CASZ1: variants seen among roughly 807,000 people sequenced by gnomAD.
CASZ1 encodes the protein castor zinc finger 1.
Under a neutral mutation model 135.2 loss-of-function variants are expected in CASZ1, and 28 were observed. The ratio of observed to expected loss-of-function variants is 0.21; its 90% CI spans 0.15 to 0.28. CASZ1 has a LOEUF of 0.28. CASZ1 is among the 10% of genes least tolerant of loss of function. The pLI is 1.00. For missense variants in CASZ1, 2,161 were observed against 2,453.3 expected, an observed-to-expected ratio of 0.88 and a Z score of 2.52; for synonymous variants, 1,068 against 1,073.4, an observed-to-expected ratio of 0.99 and a Z score of 0.10.
rs138711094 is a variant in CASZ1 at position 10,713,756 on chromosome 1, G to A, written c.-76-8212C>T. Among the ~76,000 whole-genome samples, 21 of 152,362 alleles carry A rather than the reference G, an allele frequency of 1.4e-4. No homozygotes were observed. The East Asian group carries it at 1.9e-3, about 14-fold the overall frequency. ...GTGGCTGATGGAAAGGACACACGTC[G>A]TGTGGGGACAGCCACCTCTCACATG... On this transcript the variant is annotated intron_variant, in intron 2 of 20. Coordinates refer to ENST00000377022, the MANE Select transcript of CASZ1 (RefSeq NM_001079843.3).
chr1:10,643,122 C>A lies in CASZ1; in HGVS notation c.4020+38G>T, dbSNP rs1642260070. 3 of 1,604,694 alleles carry A rather than the reference C, an allele frequency of 1.9e-6. No individual in the cohort carries two copies. In the South Asian group the frequency reaches 3.3e-5, roughly 18 times the overall value. ...AGCGTGGGACCATGATGCGTTCCCGCCACCCTGGCTGGGCTCTCACCTGGG... is the reference window on the plus strand; with the variant it reads ...AGCGTGGGACCATGATGCGTTCCCGACACCCTGGCTGGGCTCTCACCTGGG... On this transcript the variant is annotated intron_variant, in intron 19 of 20. Transcript: ENST00000377022.
rs1457947900 is a variant in CASZ1 at position 10,776,710 on chromosome 1, C to T, written c.-233-15853G>A. ...GTGGGAGAGGGTTGGCTGCATGGCA[C>T]AGCTGCGGACTCCAGACGGTGGCAA... On this transcript the variant is annotated intron_variant, in intron 1 of 20. Coordinates refer to ENST00000377022, the MANE Select transcript of CASZ1 (RefSeq NM_001079843.3). This position sits in a 1 kb window ranked among gnomAD's most constrained non-coding sequence, Gnocchi z 4.1. Among the ~76,000 whole-genome samples the T allele has an allele frequency of 6.6e-6, 1 of 152,178 alleles. No homozygotes were observed. The highest frequency in any genetic ancestry group is 1.5e-5 in the Non-Finnish European group (1 of 68,022).
chr1:10,694,688 C>T lies in CASZ1; in HGVS notation c.-23-776G>A, dbSNP rs1391192641. On this transcript the variant is annotated intron_variant, in intron 3 of 20. Coordinates refer to ENST00000377022, the MANE Select transcript of CASZ1 (RefSeq NM_001079843.3). The surrounding 1 kb of genome is among the most constrained non-coding windows in gnomAD (Gnocchi z 6.6). ...AATGGGCTCGCGCTCGCTCGCGCCC[C>T]CGCCGCGCGCCCCCGCCGCGCGCGC... is the stretch of plus-strand genomic sequence containing the variant. 1.6e-5 allele frequency among the ~76,000 whole-genome samples: 2 copies of T among 121,656 alleles called. No individual in the cohort carries two copies. The highest frequency in any genetic ancestry group is 3.3e-5 in the Non-Finnish European group (2 of 60,370). The allele number at this position is 121,656 out of a possible 152,430, so 79.8% of individuals were successfully genotyped here.
chr1:10,680,246 G>C (rs7545228), intron 4 of CASZ1, among the ~76,000 whole-genome samples: 71,061 of 149,046 alleles, frequency 0.48, 17,580 homozygotes, highest in Non-Finnish European at 0.51. Context: ...TGCTGCCGGA[G>C]GGCTCCGGCT....
chr1:10,711,699 G>A lies in CASZ1; in HGVS notation c.-76-6155C>T, dbSNP rs763082473. Among the ~76,000 whole-genome samples the A allele has an allele frequency of 6.6e-6, 1 of 152,052 alleles. No individual in the cohort carries two copies. The highest frequency in any genetic ancestry group is 1.5e-5 in the Non-Finnish European group (1 of 68,018). ...TTCAAGTGTCCATGGACTGAGAAAT[G>A]GACATACAACATGGAGTCTGTCCAT... On this transcript the variant is annotated intron_variant, in intron 2 of 20. Transcript: ENST00000377022. The surrounding 1 kb of genome is among the most constrained non-coding windows in gnomAD (Gnocchi z 4.4).
chr1:10,745,437 A>G (rs187882477), intron 2 of CASZ1, among the ~76,000 whole-genome samples: 39 of 152,236 alleles, frequency 2.6e-4, no homozygotes, highest in African/African-American at 8.7e-4. Context: ...CCCTTCGCCA[A>G]GTGGATTGAA....
intron 4 of CASZ1, among the ~76,000 whole-genome samples, chr1:10,687,702 G>C (rs1638638958): frequency 6.6e-6 from 1 of 152,192 alleles, no homozygotes; most frequent in African/African-American, 2.4e-5. Flanking sequence ...GGAGGAAGTG[G>C]AGAAGGGCCC....
Position 10,657,745 on chromosome 1 carries a change from A to G in CASZ1, c.1409+763T>C, listed in dbSNP as rs1409614398. Among the ~76,000 whole-genome samples, 1 of 136,200 alleles carries G rather than the reference A, an allele frequency of 7.3e-6. No homozygotes were observed. Among genetic ancestry groups the G allele is most frequent in the African/African-American group, 2.7e-5 (1 of 37,038 alleles). 89.4% of individuals were successfully genotyped at this position (136,200 alleles called of 152,430 possible). A position where few individuals can be genotyped will look rare whatever the true frequency, so the allele number is the denominator to read the frequency against. Reference sequence around the variant, plus strand: ...CGGGAGGAACCTGGAAGATCTGCGGACAGACAGGCGCCAGCCGCTGGGTGC... The same window carrying G: ...CGGGAGGAACCTGGAAGATCTGCGGGCAGACAGGCGCCAGCCGCTGGGTGC... On this transcript the variant is annotated intron_variant, in intron 7 of 20. Transcript: ENST00000377022. The surrounding 1 kb of genome is among the most constrained non-coding windows in gnomAD (Gnocchi z 5.7).
intron 1 of CASZ1, among the ~76,000 whole-genome samples, chr1:10,785,759 C>T (rs1329001207): frequency 6.6e-6 from 1 of 152,244 alleles, no homozygotes; most frequent in African/African-American, 2.4e-5. Flanking sequence ...CAGGCCAAGA[C>T]CCAAATGAGG....
At chr1:10,685,882 G>A (rs1027255879) in intron 4 of CASZ1, among the ~76,000 whole-genome samples, 10 of 152,238 alleles carry the variant, frequency 6.6e-5, no homozygotes, top group Admixed American at 6.5e-4. Context: ...AGAGAGGCAC[G>A]TGCCCCTGGA....
At chr1:10,791,081 C>CAAAAAAAAA (rs61062042) in intron 1 of CASZ1, among the ~76,000 whole-genome samples, 1 of 121,194 alleles carries the variant, frequency 8.3e-6, no homozygotes, top group Non-Finnish European at 1.9e-5. Context: ...CTCTTCCCAT[C>CAAAAAAAAA]AAAAAAAAAA....
chr1:10,712,828 T>C (rs1639312046), intron 2 of CASZ1, among the ~76,000 whole-genome samples: 2 of 152,172 alleles, frequency 1.3e-5, no homozygotes, highest in African/African-American at 2.4e-5. Context: ...AGCCAATCCA[T>C]CTCTCCACCA....
rs182921992 is a variant in CASZ1, at chr1:10,748,793, C to T, written c.-77+11908G>A. The stretch of plus-strand genomic sequence containing the variant: ...CATAAACTCCACAGTGTCTCCAATT[C>T]CCAGCCACCCACCATGCCCTGCCAT... On this transcript the variant is annotated intron_variant, in intron 2 of 20. Coordinates refer to ENST00000377022, the MANE Select transcript of CASZ1 (RefSeq NM_001079843.3). Among the ~76,000 whole-genome samples, 375 of 152,348 alleles carry T rather than the reference C, an allele frequency of 2.5e-3. 1 individual carries two copies. The highest frequency in any genetic ancestry group is 8.8e-3 in the African/African-American group (368 of 41,586).
rs1177096607 is a variant in CASZ1, at chr1:10,788,134, T to C, written c.-234+8430A>G. The stretch of plus-strand genomic sequence containing the variant: ...CTCATCCAGAACATCCCTTTATATG[T>C]GCCCAAGAGCTCTGCCATTAAGGGG... On this transcript the variant is annotated intron_variant, in intron 1 of 20. Coordinates refer to ENST00000377022, the MANE Select transcript of CASZ1 (RefSeq NM_001079843.3). The surrounding 1 kb of genome is among the most constrained non-coding windows in gnomAD (Gnocchi z 4.1). Among the ~76,000 whole-genome samples, 4 of 152,168 alleles carry C rather than the reference T, an allele frequency of 2.6e-5. No individual in the cohort carries two copies. Among genetic ancestry groups the C allele is most frequent in the Non-Finnish European group, 4.4e-5 (3 of 68,018 alleles).
chr1:10,643,582 G>A (rs1233982893), intron 18 of CASZ1, among the ~76,000 whole-genome samples: 3 of 152,206 alleles, frequency 2.0e-5, no homozygotes, highest in Non-Finnish European at 4.4e-5. Flanking sequence ...TCACACACAG[G>A]GAGGTGCACA....
In CASZ1 at chr1:10,662,955, G is replaced by A. The variant is rs561398019; in HGVS notation, c.505+2128C>T. On this transcript the variant is annotated intron_variant, in intron 5 of 20. Coordinates refer to ENST00000377022, the MANE Select transcript of CASZ1 (RefSeq NM_001079843.3). ...CGCACATGCCCCACCCCATGGCCGA[G>A]CCGTGACCCCAGTGCACACGCACAC... Among the ~76,000 whole-genome samples, 4 of 152,302 alleles carry A rather than the reference G, an allele frequency of 2.6e-5. No homozygotes were observed. The South Asian group carries it at 8.3e-4, about 32-fold the overall frequency.
At chr1:10,748,011 G>A (rs1013155341) in intron 2 of CASZ1, among the ~76,000 whole-genome samples, 1 of 152,138 alleles carries the variant, frequency 6.6e-6, no homozygotes, top group African/African-American at 2.4e-5. Flanking sequence ...GTGGAGACGG[G>A]GTTTCACCGT....
At chr1:10,686,141 G>A (rs995368525) in intron 4 of CASZ1, among the ~76,000 whole-genome samples, 1 of 151,342 alleles carries the variant, frequency 6.6e-6, no homozygotes, top group Admixed American at 6.5e-5. Flanking sequence ...GCCTGTGGGC[G>A]CCTGGCCGTC....
At position 10,650,672 on chromosome 1, in the gene CASZ1, G is replaced by A. The variant is rs369586270; in HGVS notation, c.2880+20C>T. 1.4e-5 allele frequency: 23 copies of A among 1,603,274 alleles called. No homozygotes were observed. The highest frequency in any genetic ancestry group is 7.7e-5 in the South Asian group (7 of 90,876). ...TTCTCTGGGTGGGGGAACGGGAGGC[G>A]TGTGATGGATGGCTCTTACCTTATT... On this transcript the variant is annotated intron_variant, in intron 13 of 20. Coordinates refer to ENST00000377022, the MANE Select transcript of CASZ1 (RefSeq NM_001079843.3).
Sources: allele counts gnomAD v4.1 joint callset (sites outside exome capture counted in the v4.1 genomes callset), GRCh38; gene constraint gnomAD v4.1.1; non-coding constraint Gnocchi (gnomAD v3.1); transcripts MANE v1.5; gene names NCBI Gene and HGNC (gene_info 2026-07-23, HGNC 2026-07-21).